RTTN: variants seen among roughly 807,000 people sequenced by gnomAD.
RTTN encodes the protein rotatin.
A neutral mutation model predicts 269.2 loss-of-function variants in RTTN; 182 were observed. The ratio of observed to expected loss-of-function variants is 0.68; its 90% CI spans 0.60 to 0.76. The LOEUF (loss-of-function observed/expected upper bound fraction) is 0.76, where lower values mean the gene tolerates loss of function less well. Ranked by LOEUF, RTTN falls within the 30% of genes least tolerant of loss-of-function variation. The probability of loss-of-function intolerance (pLI) is 0.00; values close to 1 mark genes in which losing one functional copy is unlikely to be tolerated. For missense variants in RTTN, 2,545 were observed against 2,608.6 expected (o/e 0.98, Z 0.53); for synonymous variants, 1,006 against 963.5 (o/e 1.04, Z -0.82).
intron 32 of RTTN, among the ~76,000 whole-genome samples, chr18:70,084,222 CTCTT>C: frequency 1.7e-5 from 1 of 58,012 alleles, no homozygotes; most frequent in East Asian, 1.1e-3. Flanking sequence ...AGAAGCAATT[CTCTT>C]TGTTAAAAAA....
At chr18:70,141,502 T>A (rs2060255865) in intron 19 of RTTN, among the ~76,000 whole-genome samples, 1 of 152,090 alleles carries the variant, frequency 6.6e-6, no homozygotes, top group Non-Finnish European at 1.5e-5. Context: ...AAACCATCAT[T>A]CTCAGCAAAC....
intron 41 of RTTN, among the ~76,000 whole-genome samples, 177 bp downstream of exon 41, chr18:70,030,699 T>A (rs1272555164): frequency 6.6e-6 from 1 of 152,208 alleles, no homozygotes; most frequent in African/African-American, 2.4e-5. Flanking sequence ...AATCTTTTTA[T>A]TTGAAAAGTA....
In RTTN at chr18:70,149,753, C is replaced by T. The variant is rs141291689; in HGVS notation, c.2172+218G>A. On this transcript the variant is annotated intron_variant, in intron 16 of 48. Transcript: ENST00000640769. ...GCACCTCACTTTTTAACCTCCCACC[C>T]AGATATATAAAATATATACAGACAA... is the stretch of plus-strand genomic sequence containing the variant. Among the ~76,000 whole-genome samples, 7 of 152,148 alleles carry T rather than the reference C, an allele frequency of 4.6e-5. No individual in the cohort carries two copies. In the East Asian group the frequency reaches 1.4e-3, roughly 29 times the overall value.
At chr18:70,063,993 T>G (rs1351614347) in intron 35 of RTTN, among the ~76,000 whole-genome samples, 2 of 144,124 alleles carry the variant, frequency 1.4e-5, no homozygotes, top group African/African-American at 5.1e-5. Context: ...GTCATATATA[T>G]GTGCTGAAAT....
intron 25 of RTTN, among the ~76,000 whole-genome samples, chr18:70,123,477 C>G (rs1317489895): frequency 6.6e-6 from 1 of 152,104 alleles, no homozygotes; most frequent in Non-Finnish European, 1.5e-5. Context: ...AGCAACGTCT[C>G]CCTTTTCCCT....
At chr18:70,147,425 GTTA>G (rs1431249248) in intron 17 of RTTN, among the ~76,000 whole-genome samples, 2 of 152,088 alleles carry the variant, frequency 1.3e-5, no homozygotes, top group African/African-American at 4.8e-5. Flanking sequence ...ATGTAGTTAA[GTTA>G]TTATTGCTTA....
intron 19 of RTTN, among the ~76,000 whole-genome samples, chr18:70,140,451 G>C (rs755437444): frequency 2.6e-5 from 4 of 152,074 alleles, no homozygotes; most frequent in African/African-American, 4.8e-5. Flanking sequence ...AACTAGTTCA[G>C]ACTCTGAAAA....
At chr18:70,076,406 A>T (rs1444395785) in intron 32 of RTTN, among the ~76,000 whole-genome samples, 2 of 152,032 alleles carry the variant, frequency 1.3e-5, no homozygotes, top group Non-Finnish European at 2.9e-5. Context: ...ACCTTTAACC[A>T]TAAGATTTGT....
At position 70,075,400 on chromosome 18, in the gene RTTN, A is replaced by C. The variant is rs750645165; in HGVS notation, c.4516T>G (p.Leu1506Val). 9.4e-6 allele frequency: 15 copies of C among 1,596,114 alleles called. No individual in the cohort carries two copies. The highest frequency in any genetic ancestry group is 1.2e-5 in the Non-Finnish European group (14 of 1,173,700). ...TTTCTATCAAAAGCAGAAAAATTCA[A>C]ATCAAACATACACCGTCCTAGGTAA... is the stretch of plus-strand genomic sequence containing the variant. ...HCYLGRCMFD[L>V]NFSAFDRNSE... The change falls in exon 33 of 49, where the codon TTG becomes GTG. Residue 1506 changes from leucine to valine, a missense_variant. Leu to Val is a conservative substitution (Grantham distance 32). Coordinates refer to ENST00000640769, the MANE Select transcript of RTTN (RefSeq NM_173630.4).
chr18:70,065,883 C>G lies in RTTN; in HGVS notation c.4693G>C (p.Val1565Leu). The G allele has an allele frequency of 1.9e-6, 3 of 1,602,186 alleles. No individual in the cohort carries two copies. The highest frequency in any genetic ancestry group is 2.6e-6 in the Non-Finnish European group (3 of 1,173,166). ...TCAGGTAGAAGTGTTGTTGACTGCA[C>G]AAGTGGCTGAAATTCAGTACTCCCC... ...SLGSTEFQPLVQSTTLLPEAS... is the reference protein window; with the variant it reads ...SLGSTEFQPLLQSTTLLPEAS... Residue 1565 changes from valine (V) to leucine (L), a missense_variant, in exon 35 of 49, where the codon GTG becomes CTG. Transcript: ENST00000640769.
At chr18:70,065,972 G>A in intron 34 of RTTN, 50 bp from the exon 35 acceptor site, 1 of 1,295,752 alleles carries the variant, frequency 7.7e-7, no homozygotes, top group Non-Finnish European at 1.1e-6. Context: ...TACGGAAAAT[G>A]AAACACAGGC....
chr18:70,004,179 T>C lies in RTTN; in HGVS notation c.6653A>G (p.Asn2218Ser), dbSNP rs2056108016. 6.2e-7 allele frequency: 1 copy of C among 1,613,448 alleles called. No homozygotes were observed. Among genetic ancestry groups the C allele is most frequent in the Non-Finnish European group, 8.5e-7 (1 of 1,179,698 alleles). The change falls in exon 49 of 49, where the codon AAC becomes AGC. Residue 2218 changes from asparagine to serine, a missense_variant. Transcript: ENST00000640769. ...LNAYYLKCLE[N>S]LVQLLNSS is the part of the protein sequence containing the mutation. ...GGAAGAATTAAGGAGCTGCACGAGG[T>C]TTTCAAGACATTTCAAATAATAGGC...
intron 46 of RTTN, chr18:70,008,815 G>C (rs1301703941): frequency 6.6e-6 from 1 of 152,056 alleles, no homozygotes; most frequent in Non-Finnish European, 1.5e-5. Flanking sequence ...GGGAAAAATG[G>C]AACCAAGTTG....
intron 26 of RTTN, among the ~76,000 whole-genome samples, chr18:70,116,723 C>T (rs1391895122): frequency 1.3e-5 from 2 of 151,974 alleles, no homozygotes; most frequent in African/African-American, 4.8e-5. Flanking sequence ...ACACAGTTAC[C>T]ACTCATCATA....
intron 12 of RTTN, 68 bp downstream of exon 12, chr18:70,168,787 A>G: frequency 8.4e-7 from 1 of 1,193,444 alleles, no homozygotes; most frequent in East Asian, 2.4e-5. Flanking sequence ...CATCAATTTG[A>G]AAAGTATAGA....
intron 26 of RTTN, among the ~76,000 whole-genome samples, chr18:70,120,188 C>T (rs567261779): frequency 1.4e-5 from 2 of 147,800 alleles, no homozygotes; most frequent in East Asian, 4.1e-4. Context: ...TGCTCAGCCC[C>T]CTCACCACAT....
At chr18:70,062,378 C>G (rs2058013092) in intron 35 of RTTN, among the ~76,000 whole-genome samples, 2 of 151,848 alleles carry the variant, frequency 1.3e-5, no homozygotes, top group African/African-American at 4.8e-5. Flanking sequence ...TATTTCCTAA[C>G]TAACTCCCAC....
intron 37 of RTTN, 49 bp downstream of exon 37, chr18:70,057,693 T>C: frequency 1.3e-5 from 19 of 1,427,362 alleles, no homozygotes; most frequent in Non-Finnish European, 1.8e-5. Flanking sequence ...AGATTTTTAT[T>C]TTTGACACCT....
chr18:70,144,843 G>A (rs1483481845), intron 18 of RTTN, among the ~76,000 whole-genome samples: 1 of 152,192 alleles, frequency 6.6e-6, no homozygotes, highest in Non-Finnish European at 1.5e-5. Flanking sequence ...ACAGGCCTTG[G>A]CAAGTTAGTC....
Sources: allele counts gnomAD v4.1 joint callset (sites outside exome capture counted in the v4.1 genomes callset), GRCh38; gene constraint gnomAD v4.1.1; transcripts MANE v1.5; gene names NCBI Gene and HGNC (gene_info 2026-07-23, HGNC 2026-07-21).